Variants in DFFA observed in about 807,000 individuals in gnomAD.
DFFA encodes the protein DNA fragmentation factor subunit alpha, also known as DFF45.
Under a neutral mutation model 28.0 loss-of-function variants are expected in DFFA, and 14 were observed. The ratio of observed to expected loss-of-function variants is 0.50; its 90% CI spans 0.33 to 0.78. The LOEUF is 0.78. DFFA is among the 30% of genes least tolerant of loss of function. The pLI is 0.02. For missense variants in DFFA, 395 were observed against 407.1 expected (o/e 0.97, Z 0.26); for synonymous variants, 158 against 170.3 (o/e 0.93, Z 0.56).
intron 3 of DFFA, 31 bp from the exon 4 acceptor site, chr1:10,463,651 T>C: frequency 1.3e-6 from 2 of 1,570,336 alleles, no homozygotes; most frequent in Non-Finnish European, 1.7e-6. Flanking sequence ...CTTAGAAATC[T>C]ACAGGGACTT....
chr1:10,461,404 G>T lies in DFFA; in HGVS notation c.*86C>A. Reference sequence around the variant, plus strand: ...GTGCTCTAAGGCAGGGGGTAGAGTAGTACATAGGTAGTCAAATGATGAGGC... The same window carrying T: ...GTGCTCTAAGGCAGGGGGTAGAGTATTACATAGGTAGTCAAATGATGAGGC... On this transcript the variant is annotated 3_prime_UTR_variant, in exon 6 of 6. Coordinates refer to ENST00000377038, the MANE Select transcript of DFFA (RefSeq NM_004401.3). 6.6e-7 allele frequency: 1 copy of T among 1,515,536 alleles called. No homozygotes were observed. Among genetic ancestry groups the T allele is most frequent in the East Asian group, 2.4e-5 (1 of 40,944 alleles). The allele number at this position is 1,515,536 out of a possible 1,614,324, so 93.9% of individuals were successfully genotyped here. A position where few individuals can be genotyped will look rare whatever the true frequency, so the allele number is the denominator to read the frequency against.
intron 1 of DFFA, among the ~76,000 whole-genome samples, chr1:10,469,839 CT>C (rs35502618): frequency 0.72 from 99,918 of 139,328 alleles, 35,563 homozygotes; most frequent in African/African-American, 0.8. Context: ...TTCTTTCTTT[CT>C]TTTTTTTTTT....
At position 10,457,075 on chromosome 1, in the gene DFFA, A is replaced by C. The variant is rs1640871522; in HGVS notation, c.*4415T>G. On this transcript the variant is annotated 3_prime_UTR_variant, in exon 6 of 6. Transcript: ENST00000377038. ...GAGAAACGAAAGAGAACCACTCTCC[A>C]CTGTCTACTATATGTTAGGTACTAG... The C allele has an allele frequency of 6.6e-6, 1 of 152,298 alleles. No homozygotes were observed. 9.4% of individuals were successfully genotyped at this position (152,298 alleles called of 1,614,324 possible).
Position 10,458,778 on chromosome 1 carries a change from C to T in DFFA, c.*2712G>A, listed in dbSNP as rs950893145. ...TCTCAAACTCCTGACCTCAGGTGAT[C>T]CATCTGCCTTGGCCTCCCAAAGTGC... is the stretch of plus-strand genomic sequence containing the variant. On this transcript the variant is annotated 3_prime_UTR_variant, in exon 6 of 6. Coordinates refer to ENST00000377038, the MANE Select transcript of DFFA (RefSeq NM_004401.3). The T allele has an allele frequency of 2.0e-5, 3 of 152,274 alleles. No individual in the cohort carries two copies. Among genetic ancestry groups the T allele is most frequent in the Non-Finnish European group, 4.4e-5 (3 of 68,048 alleles). 9.4% of individuals were successfully genotyped at this position (152,274 alleles called of 1,614,324 possible).
Position 10,461,272 on chromosome 1 carries a change from G to T in DFFA, c.*218C>A. 2 of 595,324 alleles carry T rather than the reference G, an allele frequency of 3.4e-6. No homozygotes were observed. Among genetic ancestry groups the T allele is most frequent in the Non-Finnish European group, 5.7e-6 (2 of 348,182 alleles). The allele number at this position is 595,324 out of a possible 1,614,324, so 36.9% of individuals were successfully genotyped here. A position where few individuals can be genotyped will look rare whatever the true frequency, so the allele number is the denominator to read the frequency against. On this transcript the variant is annotated 3_prime_UTR_variant, in exon 6 of 6. Transcript: ENST00000377038. ...TAATTAGAGGAGGCGGGATATTGTT[G>T]GTGCAGCTATATCATTCAAAATTGG...
In DFFA at chr1:10,463,635, CAG is replaced by C. The variant is rs1640982003; in HGVS notation, c.442-17_442-16del. Reference sequence around the variant, plus strand: ...TCAACAAGCATCTAACAAACAAACACAGACGCTTAGAAATCTACAGGGACTTT... The same window carrying C: ...TCAACAAGCATCTAACAAACAAACACACGCTTAGAAATCTACAGGGACTTT... On this transcript the variant is annotated splice_polypyrimidine_tract_variant and intron_variant, in intron 3 of 5. Transcript: ENST00000377038. 1 of 1,595,266 alleles carries C rather than the reference CAG, an allele frequency of 6.3e-7. No homozygotes were observed.
At position 10,472,298 on chromosome 1, in the gene DFFA, C is replaced by A; in HGVS notation, c.136+25G>T. The A allele has an allele frequency of 6.4e-7, 1 of 1,562,164 alleles. No individual in the cohort carries two copies. Among genetic ancestry groups the A allele is most frequent in the South Asian group, 1.2e-5 (1 of 85,910 alleles). On this transcript the variant is annotated intron_variant, in intron 1 of 5. Transcript: ENST00000377038. The surrounding 1 kb of genome is among the most constrained non-coding windows in gnomAD (Gnocchi z 5.0). ...CTCACCCGGCCCTGGCTCCCCCACA[C>A]CCTCGCCCGGGGTCCCGAGCCAACC...
At chr1:10,468,644 G>A (rs754984569) in intron 2 of DFFA, among the ~76,000 whole-genome samples, 28 of 152,136 alleles carry the variant, frequency 1.8e-4, no homozygotes, top group Admixed American at 3.3e-4. Flanking sequence ...TCAACAGCTG[G>A]ACTGCAGCCT....
intron 1 of DFFA, among the ~76,000 whole-genome samples, chr1:10,471,960 C>A (rs933522644): frequency 6.6e-6 from 1 of 152,184 alleles, no homozygotes; most frequent in Non-Finnish European, 1.5e-5. Flanking sequence ...CTCCCCACAC[C>A]GCCGTGGGCT....
chr1:10,465,987 A>G (rs1458594199), intron 3 of DFFA, among the ~76,000 whole-genome samples: 1 of 151,728 alleles, frequency 6.6e-6, no homozygotes, highest in Non-Finnish European at 1.5e-5. Flanking sequence ...TAAAAAAAAA[A>G]AAAAAGAAAA....
At chr1:10,464,668 T>C (rs1347506822) in intron 3 of DFFA, among the ~76,000 whole-genome samples, 1 of 152,022 alleles carries the variant, frequency 6.6e-6, no homozygotes. Context: ...TGAGCTGAGA[T>C]TGCACTACTG....
chr1:10,464,598 C>G (rs1640997552), intron 3 of DFFA, among the ~76,000 whole-genome samples: 1 of 152,010 alleles, frequency 6.6e-6, no homozygotes, highest in African/African-American at 2.4e-5. Flanking sequence ...GCCTGTGGTC[C>G]CAGCTACTTG....
At chr1:10,466,979 A>AAAAAAAAAAT (rs1641032027) in intron 3 of DFFA, among the ~76,000 whole-genome samples, 3 of 147,196 alleles carry the variant, frequency 2.0e-5, no homozygotes, top group African/African-American at 7.8e-5. Context: ...AAAAAAAAAA[A>AAAAAAAAAAT]TCCACAGGTA....
In DFFA at chr1:10,461,625, C is replaced by T; in HGVS notation, c.861G>A (p.Glu287=). Residue 287 remains glutamate, a synonymous_variant, in exon 6 of 6, where the codon GAG becomes GAA. Coordinates refer to ENST00000377038, the MANE Select transcript of DFFA (RefSeq NM_004401.3). ...WDIKKTETVQ[E]ACERELALRL... The stretch of plus-strand genomic sequence containing the variant: ...GCAGGGCGAGCTCCCGCTCACAGGC[C>T]TCCTGAACAGTCTCCGTCTTCTTTA... 6.2e-7 allele frequency: 1 copy of T among 1,614,220 alleles called. No individual in the cohort carries two copies. The highest frequency in any genetic ancestry group is 8.5e-7 in the Non-Finnish European group (1 of 1,180,036).
In DFFA at chr1:10,463,171, CT is replaced by C. The variant is rs751292529; in HGVS notation, c.669del (p.Asp224ThrfsTer22). 10 of 1,614,182 alleles carry C rather than the reference CT, an allele frequency of 6.2e-6. No individual in the cohort carries two copies. In the East Asian group the frequency reaches 2.0e-4, roughly 32 times the overall value. ...GAGGTCTCTCTGCTGATACCCGTGT[CT>C]ACTGCATCCACCTCCTCACCAAAGG... is the stretch of plus-strand genomic sequence containing the variant. Reference protein sequence around the residue: ...KAAFGEEVDAVDTGISRETSS... With the variant: ...KAAFGEEVDAXDTGISRETSS... On this transcript the variant is annotated frameshift_variant, in exon 5 of 6. Transcript: ENST00000377038. LOFTEE classifies it high-confidence loss of function.
intron 2 of DFFA, among the ~76,000 whole-genome samples, chr1:10,468,287 C>G (rs999621808): frequency 2.0e-5 from 3 of 151,868 alleles, no homozygotes; most frequent in Non-Finnish European, 4.4e-5. Context: ...CAGGTAAGAT[C>G]TAAACACTTC....
rs1640879041 is a variant in DFFA at position 10,457,703 on chromosome 1, T to C, written c.*3787A>G. 2 of 151,972 alleles carry C rather than the reference T, an allele frequency of 1.3e-5. No individual in the cohort carries two copies. Among genetic ancestry groups the C allele is most frequent in the South Asian group, 2.1e-4 (1 of 4,804 alleles). The allele number at this position is 151,972 out of a possible 1,614,324, so 9.4% of individuals were successfully genotyped here. On this transcript the variant is annotated 3_prime_UTR_variant, in exon 6 of 6. Coordinates refer to ENST00000377038, the MANE Select transcript of DFFA (RefSeq NM_004401.3). The stretch of plus-strand genomic sequence containing the variant: ...AAACGAAAACGAAACAAAACAAATA[T>C]AGTACTTCATTTAACCCTTTCAAGC...
chr1:10,464,093 C>G (rs1209499962), intron 3 of DFFA, among the ~76,000 whole-genome samples: 1 of 148,808 alleles, frequency 6.7e-6, no homozygotes, highest in Non-Finnish European at 1.5e-5. Flanking sequence ...TGTAATTTTT[C>G]TAATTTTTTT....
Position 10,459,728 on chromosome 1 carries a change from TTA to T in DFFA, c.*1760_*1761del, listed in dbSNP as rs1640901252. 2.0e-5 allele frequency: 3 copies of T among 148,992 alleles called. No homozygotes were observed. The highest frequency in any genetic ancestry group is 3.0e-5 in the Non-Finnish European group (2 of 67,678). The allele number at this position is 148,992 out of a possible 1,614,324, so 9.2% of individuals were successfully genotyped here. ...TTCATTGCCCTTGATGGTTACCTTT[TTA>T]AAAAAAAAAAAAAAAAAGTAGGGTC... On this transcript the variant is annotated 3_prime_UTR_variant, in exon 6 of 6. Coordinates refer to ENST00000377038, the MANE Select transcript of DFFA (RefSeq NM_004401.3).
Sources: allele counts gnomAD v4.1 joint callset (sites outside exome capture counted in the v4.1 genomes callset), GRCh38; gene constraint gnomAD v4.1.1; non-coding constraint Gnocchi (gnomAD v3.1); transcripts MANE v1.5; gene names NCBI Gene and HGNC (gene_info 2026-07-23, HGNC 2026-07-21).